MAML3: variants seen among roughly 807,000 people sequenced by gnomAD.
The protein encoded by MAML3 is mastermind like transcriptional coactivator 3.
In MAML3, 27 loss-of-function variants were observed where a neutral mutation model predicts 101.9. That is an observed-to-expected ratio of 0.27 (90% confidence interval 0.20 to 0.37). The LOEUF (loss-of-function observed/expected upper bound fraction) is 0.37, where lower values mean the gene tolerates loss of function less well. Among genes scored for constraint, MAML3 ranks in the 10% least tolerant of loss-of-function variants. The probability of loss-of-function intolerance (pLI) is 1.00; values close to 1 mark genes in which losing one functional copy is unlikely to be tolerated. For missense variants in MAML3, 1,316 were observed against 1,444.9 expected (o/e 0.91, Z 1.45); for synonymous variants, 501 against 555.9 (o/e 0.90, Z 1.39).
chr4:139,839,140 C>T (rs922415517), intron 2 of MAML3, among the ~76,000 whole-genome samples: 8 of 152,264 alleles, frequency 5.3e-5, no homozygotes, highest in South Asian at 2.1e-4. Context: ...CCATCAAGAA[C>T]GCGCTGGCAT....
At chr4:139,822,438 C>A (rs1730992008) in intron 2 of MAML3, among the ~76,000 whole-genome samples, 1 of 152,116 alleles carries the variant, frequency 6.6e-6, no homozygotes. Flanking sequence ...CCGCACTGTA[C>A]CCCTCTGGGC....
intron 3 of MAML3, among the ~76,000 whole-genome samples, chr4:139,728,035 G>A (rs537336918): frequency 3.4e-4 from 52 of 152,272 alleles, no homozygotes; most frequent in Non-Finnish European, 6.0e-4. Context: ...GGCCAACATG[G>A]TGAAACCCCA....
At chr4:139,945,802 C>T (rs17005270) in intron 1 of MAML3, among the ~76,000 whole-genome samples, 6,562 of 152,300 alleles carry the variant, frequency 0.043, 500 homozygotes, top group African/African-American at 0.15. Flanking sequence ...GCAGTTTCAT[C>T]TACCTTTCCT....
intron 1 of MAML3, among the ~76,000 whole-genome samples, chr4:139,932,332 A>C (rs1733417862): frequency 6.6e-6 from 1 of 152,166 alleles, no homozygotes; most frequent in Admixed American, 6.5e-5. Flanking sequence ...TGTGGGGAAA[A>C]ACATAAAATA....
intron 2 of MAML3, among the ~76,000 whole-genome samples, chr4:139,824,704 G>A (rs961913723): frequency 1.3e-5 from 2 of 152,162 alleles, no homozygotes; most frequent in African/African-American, 4.8e-5. Flanking sequence ...AAATGACCTA[G>A]CAAATTAATC....
At chr4:140,120,862 G>A (rs1401644231) in intron 1 of MAML3, among the ~76,000 whole-genome samples, 3 of 152,112 alleles carry the variant, frequency 2.0e-5, no homozygotes, top group African/African-American at 7.2e-5. Flanking sequence ...TTGGGAATGG[G>A]TTACATTGTG....
intron 1 of MAML3, among the ~76,000 whole-genome samples, chr4:139,984,795 A>C (rs764054466): frequency 2.0e-5 from 3 of 152,192 alleles, no homozygotes; most frequent in Non-Finnish European, 4.4e-5. Flanking sequence ...ACCCACCCAG[A>C]TATCCCTGGG....
At chr4:139,876,781 G>A (rs936083226) in intron 2 of MAML3, among the ~76,000 whole-genome samples, 1 of 152,216 alleles carries the variant, frequency 6.6e-6, no homozygotes, top group Non-Finnish European at 1.5e-5. Context: ...TCACACCTGG[G>A]GTGCCTGCAG....
intron 1 of MAML3, among the ~76,000 whole-genome samples, chr4:139,988,545 A>T (rs192733590): frequency 6.6e-6 from 1 of 152,232 alleles, no homozygotes; most frequent in Non-Finnish European, 1.5e-5. Flanking sequence ...GAGCACAGAA[A>T]AGTCTAAGTT....
chr4:140,136,742 C>T (rs913199663), intron 1 of MAML3, among the ~76,000 whole-genome samples: 2 of 152,128 alleles, frequency 1.3e-5, no homozygotes, highest in African/African-American at 2.4e-5. Flanking sequence ...AAGGTCACTT[C>T]CCCAAATGTA....
intron 1 of MAML3, among the ~76,000 whole-genome samples, chr4:140,000,344 A>T (rs534702368): frequency 1.3e-5 from 2 of 152,166 alleles, no homozygotes; most frequent in African/African-American, 4.8e-5. Context: ...GAAAAAAAAA[A>T]ACAACACAGC....
chr4:140,057,781 C>T (rs1727375443), intron 1 of MAML3, among the ~76,000 whole-genome samples: 1 of 152,090 alleles, frequency 6.6e-6, no homozygotes, highest in Non-Finnish European at 1.5e-5. Flanking sequence ...TCCAAGTCTG[C>T]TTTTTGTATT....
At chr4:139,788,362 G>A (rs1191220604) in intron 2 of MAML3, among the ~76,000 whole-genome samples, 1 of 152,124 alleles carries the variant, frequency 6.6e-6, no homozygotes, top group African/African-American at 2.4e-5. Context: ...ACTAGAATCA[G>A]TTAGTTTGCT....
At chr4:140,142,419 T>C (rs981746747) in intron 1 of MAML3, among the ~76,000 whole-genome samples, 3 of 152,218 alleles carry the variant, frequency 2.0e-5, no homozygotes, top group African/African-American at 7.2e-5. Flanking sequence ...TATGTACATG[T>C]AGGTCCTTTC....
intron 1 of MAML3, among the ~76,000 whole-genome samples, chr4:140,099,632 A>G (rs1728220706): frequency 6.6e-6 from 1 of 152,250 alleles, no homozygotes; most frequent in Non-Finnish European, 1.5e-5. Context: ...GTTTTTAAAC[A>G]TCTCAAAGCC....
chr4:140,147,118 T>G, intron 1 of MAML3, among the ~76,000 whole-genome samples: 1 of 105,846 alleles, frequency 9.4e-6, no homozygotes, highest in Admixed American at 1.5e-4. Flanking sequence ...GACGGCAGAG[T>G]GAGACTCCAT....
At chr4:139,736,040 AAG>A (rs1728930414) in intron 2 of MAML3, among the ~76,000 whole-genome samples, 1 of 152,196 alleles carries the variant, frequency 6.6e-6, no homozygotes, top group Non-Finnish European at 1.5e-5. Context: ...CGTGGCAGGA[AAG>A]AGTAAAAATA....
At chr4:140,005,205 C>A (rs1268212349) in intron 1 of MAML3, among the ~76,000 whole-genome samples, 1 of 152,204 alleles carries the variant, frequency 6.6e-6, no homozygotes, top group Non-Finnish European at 1.5e-5. Flanking sequence ...CACCTCTCCT[C>A]TTTCCCAGAA....
intron 4 of MAML3, among the ~76,000 whole-genome samples, chr4:139,721,865 G>A (rs1243813001): frequency 6.6e-6 from 1 of 152,118 alleles, no homozygotes; most frequent in Non-Finnish European, 1.5e-5. Context: ...TTGTAATATT[G>A]TCATGCAGTT....
Sources: gnomAD v4.1 joint callset for allele counts (sites outside exome capture counted in the v4.1 genomes callset) on GRCh38, gnomAD v4.1.1 for gene constraint, MANE v1.5 for transcripts, NCBI Gene and HGNC (gene_info 2026-07-23, HGNC 2026-07-21) for gene names.